Variants in CTNNA3 observed in about 807,000 individuals in gnomAD.
CTNNA3 encodes the protein catenin alpha 3, also known as catenin alpha-3.
A neutral mutation model predicts 95.7 loss-of-function variants in CTNNA3; 76 were observed. The observed-to-expected ratio is 0.79, with a 90% CI of 0.66 to 0.96. CTNNA3 has a LOEUF of 0.96. Ranked by LOEUF, CTNNA3 falls within the 40% of genes least tolerant of loss-of-function variation. The pLI, the probability that CTNNA3 is intolerant of heterozygous loss-of-function variation, is 0.00. For synonymous variants in CTNNA3, 431 were observed against 374.4 expected (o/e 1.15, Z -1.74); for missense variants, 1,191 against 1,089.8 (o/e 1.09, Z -1.31).
chr10:66,334,518 C>G (rs1034146747), intron 12 of CTNNA3, among the ~76,000 whole-genome samples: 49 of 152,020 alleles, frequency 3.2e-4, no homozygotes, highest in African/African-American at 1.1e-3. Flanking sequence ...ATGTGAAATT[C>G]TGGGTTGAAA....
chr10:67,560,148 T>C (rs1422404079), intron 3 of CTNNA3, among the ~76,000 whole-genome samples: 1 of 152,004 alleles, frequency 6.6e-6, no homozygotes. Context: ...ACCACAAAGA[T>C]ACTCCTCGAG....
At chr10:66,030,505 A>G (rs2079429766) in intron 15 of CTNNA3, among the ~76,000 whole-genome samples, 1 of 152,210 alleles carries the variant, frequency 6.6e-6, no homozygotes. Context: ...GTCTATCCGT[A>G]TACAGAAGAA....
chr10:65,932,212 T>C (rs1402196419), intron 17 of CTNNA3, among the ~76,000 whole-genome samples: 1 of 152,188 alleles, frequency 6.6e-6, no homozygotes, highest in Non-Finnish European at 1.5e-5. Context: ...CCTTATAGGG[T>C]TGTCAGAAGG....
rs920163141 is a variant in CTNNA3 at position 66,127,904 on chromosome 10, A to G, written c.1885-24655T>C. Among the ~76,000 whole-genome samples, 33 of 152,128 alleles carry G rather than the reference A, an allele frequency of 2.2e-4. 1 individual carries two copies. In the East Asian group the frequency reaches 5.8e-3, roughly 27 times the overall value. On this transcript the variant is annotated intron_variant, in intron 13 of 17. Coordinates refer to ENST00000433211, the MANE Select transcript of CTNNA3 (RefSeq NM_013266.4). ...AGCCTGGCCAACATGGTGAAACCCCATCTCTAATAAAAATACAATTAGCTG... is the reference window on the plus strand; with the variant it reads ...AGCCTGGCCAACATGGTGAAACCCCGTCTCTAATAAAAATACAATTAGCTG...
chr10:67,123,892 T>G (rs761746507), intron 7 of CTNNA3, among the ~76,000 whole-genome samples: 1 of 152,194 alleles, frequency 6.6e-6, no homozygotes, highest in Non-Finnish European at 1.5e-5. Flanking sequence ...TTAAGGGTAC[T>G]AAACACAGCC....
chr10:67,716,947 A>T (rs986867163), intron 1 of CTNNA3, among the ~76,000 whole-genome samples: 1 of 152,192 alleles, frequency 6.6e-6, no homozygotes, highest in Non-Finnish European at 1.5e-5. Context: ...AACAGTGTAA[A>T]GGCATTCCTA....
chr10:67,342,420 CT>C (rs1164211280), intron 5 of CTNNA3, among the ~76,000 whole-genome samples: 4 of 152,024 alleles, frequency 2.6e-5, no homozygotes, highest in African/African-American at 9.7e-5. Context: ...GTATCTTTAG[CT>C]GAGTGAATGA....
intron 14 of CTNNA3, among the ~76,000 whole-genome samples, chr10:66,095,396 C>T (rs2081353189): frequency 6.7e-6 from 1 of 150,046 alleles, no homozygotes; most frequent in Non-Finnish European, 1.5e-5. Flanking sequence ...TGTGTTGCTG[C>T]TGATTAATGA....
At chr10:66,602,257 T>C (rs1325019799) in intron 10 of CTNNA3, among the ~76,000 whole-genome samples, 1 of 151,948 alleles carries the variant, frequency 6.6e-6, no homozygotes, top group Non-Finnish European at 1.5e-5. Flanking sequence ...CTACTACAAA[T>C]GACATTTCAT....
At chr10:66,431,295 G>T (rs1275644059) in intron 11 of CTNNA3, among the ~76,000 whole-genome samples, 5 of 152,150 alleles carry the variant, frequency 3.3e-5, no homozygotes, top group Non-Finnish European at 7.3e-5. Context: ...TATACTGTTG[G>T]TGGGACTGTA....
chr10:66,292,008 A>G (rs1333232315), intron 12 of CTNNA3, among the ~76,000 whole-genome samples: 1 of 151,724 alleles, frequency 6.6e-6, no homozygotes, highest in Non-Finnish European at 1.5e-5. Flanking sequence ...GAACACATAC[A>G]GATATATATA....
intron 13 of CTNNA3, among the ~76,000 whole-genome samples, chr10:66,200,230 T>G (rs7100807): frequency 1 from 148,700 of 148,738 alleles, 74,331 homozygotes; most frequent in Middle Eastern, 1. Flanking sequence ...GAAGGGAAGG[T>G]AAGGGAAGGG....
At chr10:66,691,006 G>A (rs985427255) in intron 9 of CTNNA3, among the ~76,000 whole-genome samples, 10 of 152,270 alleles carry the variant, frequency 6.6e-5, no homozygotes, top group East Asian at 5.8e-4. Context: ...GAACAGCTCC[G>A]GTCTACAGCT....
chr10:67,284,944 T>C (rs1381455371), intron 5 of CTNNA3, among the ~76,000 whole-genome samples: 2 of 152,144 alleles, frequency 1.3e-5, no homozygotes, highest in African/African-American at 4.8e-5. Flanking sequence ...CCTCACCCCC[T>C]GGGGGTGGCA....
chr10:65,934,882 G>A (rs571224792), intron 17 of CTNNA3, among the ~76,000 whole-genome samples: 3 of 152,206 alleles, frequency 2.0e-5, no homozygotes, highest in African/African-American at 7.2e-5. Flanking sequence ...ATTTTAGGGA[G>A]CTCTGTAGCC....
intron 7 of CTNNA3, among the ~76,000 whole-genome samples, chr10:67,166,381 A>G (rs1861770469): frequency 6.6e-6 from 1 of 152,178 alleles, no homozygotes; most frequent in Non-Finnish European, 1.5e-5. Context: ...TTCACACTGG[A>G]CACTAGAATC....
intron 13 of CTNNA3, among the ~76,000 whole-genome samples, chr10:66,122,506 C>A (rs143696247): frequency 7.9e-5 from 12 of 152,120 alleles, no homozygotes; most frequent in African/African-American, 2.4e-4. Context: ...GAAGACCAAA[C>A]GGGATAAATA....
intron 3 of CTNNA3, among the ~76,000 whole-genome samples, chr10:67,594,647 T>G (rs1185966499): frequency 6.6e-6 from 1 of 152,128 alleles, no homozygotes; most frequent in African/African-American, 2.4e-5. Flanking sequence ...TCTCTATTTT[T>G]TTTTCATAAT....
chr10:67,701,367 G>A lies in CTNNA3; in HGVS notation c.-1-53853C>T, dbSNP rs142630310. Among the ~76,000 whole-genome samples the A allele has an allele frequency of 3.6e-3, 551 of 152,266 alleles. 2 individuals carry two copies. The highest frequency in any genetic ancestry group is 6.8e-3 in the Middle Eastern group (2 of 294). On this transcript the variant is annotated intron_variant, in intron 1 of 17. Transcript: ENST00000684154. ...AATGAAGGAAAAAATGGTAAGGGCA[G>A]CCAGAGACAAAGGTCAGGTTACTCA...
Sources: allele counts gnomAD v4.1 joint callset (sites outside exome capture counted in the v4.1 genomes callset), GRCh38; gene constraint gnomAD v4.1.1; transcripts MANE v1.5; gene names NCBI Gene and HGNC (gene_info 2026-07-23, HGNC 2026-07-21).